NTRK2: variants seen among roughly 807,000 people sequenced by gnomAD.
The protein encoded by NTRK2 is BDNF/NT-3 growth factors receptor.
Under a neutral mutation model 94.5 loss-of-function variants are expected in NTRK2, and 13 were observed. The ratio of observed to expected loss-of-function variants is 0.14; its 90% CI spans 0.09 to 0.22. The LOEUF (loss-of-function observed/expected upper bound fraction) is 0.22. Ranked by LOEUF, NTRK2 falls within the 10% of genes least tolerant of loss-of-function variation. The pLI is 1.00. For missense variants in NTRK2, 639 were observed against 1,071.2 expected, an observed-to-expected ratio of 0.60 and a Z score of 5.63; for synonymous variants, 372 against 407.4, an observed-to-expected ratio of 0.91 and a Z score of 1.05.
At chr9:84,959,204 C>T (rs1824558075) in intron 17 of NTRK2, among the ~76,000 whole-genome samples, 2 of 152,190 alleles carry the variant, frequency 1.3e-5, no homozygotes, top group African/African-American at 4.8e-5. Flanking sequence ...TGAGAAGCTG[C>T]TTTAGCTGAT....
intron 12 of NTRK2, among the ~76,000 whole-genome samples, chr9:84,778,380 A>G (rs2067255834): frequency 6.6e-6 from 1 of 152,248 alleles, no homozygotes. Context: ...AAGGGCCTGT[A>G]GGTGCAGTCT....
intron 10 of NTRK2, among the ~76,000 whole-genome samples, chr9:84,742,436 C>T (rs1379510976): frequency 1.3e-5 from 2 of 152,186 alleles, no homozygotes; most frequent in African/African-American, 4.8e-5. Context: ...CCCACCACGC[C>T]AGCTTCACTG....
intron 12 of NTRK2, among the ~76,000 whole-genome samples, chr9:84,852,670 T>G (rs560550037): frequency 6.6e-6 from 1 of 152,358 alleles, no homozygotes; most frequent in Non-Finnish European, 1.5e-5. Flanking sequence ...CAGTGTTGTA[T>G]GTAGTTTAAT....
At chr9:84,794,914 C>T (rs1283912373) in intron 12 of NTRK2, among the ~76,000 whole-genome samples, 1 of 152,138 alleles carries the variant, frequency 6.6e-6, no homozygotes, top group Non-Finnish European at 1.5e-5. Context: ...GACAGAAGCA[C>T]AATCTCATCA....
intron 17 of NTRK2, among the ~76,000 whole-genome samples, chr9:85,000,623 T>C (rs1377871819): frequency 6.6e-6 from 1 of 152,178 alleles, no homozygotes; most frequent in Non-Finnish European, 1.5e-5. Context: ...CTAAATAATA[T>C]TATATTGTAT....
intron 12 of NTRK2, among the ~76,000 whole-genome samples, chr9:84,781,231 A>G (rs920787507): frequency 6.6e-6 from 1 of 152,156 alleles, no homozygotes; most frequent in African/African-American, 2.4e-5. Flanking sequence ...TGGCATTTTG[A>G]AAAAGGGCAA....
chr9:84,830,062 T>C (rs1044349109), intron 12 of NTRK2, among the ~76,000 whole-genome samples: 4 of 152,210 alleles, frequency 2.6e-5, no homozygotes, highest in Non-Finnish European at 4.4e-5. Context: ...ATGGTGGACA[T>C]CTATCACCTA....
chr9:84,744,556 A>G (rs954808135), intron 10 of NTRK2, among the ~76,000 whole-genome samples: 5 of 151,754 alleles, frequency 3.3e-5, no homozygotes, highest in Non-Finnish European at 5.9e-5. Context: ...ACTTTCCTCC[A>G]CTGATATTCT....
chr9:84,787,298 AAAACAAAC>A (rs543829789), intron 12 of NTRK2, among the ~76,000 whole-genome samples: 1 of 151,800 alleles, frequency 6.6e-6, no homozygotes, highest in Non-Finnish European at 1.5e-5. Context: ...AACTCCGTCT[AAAACAAAC>A]AAACAAACAA....
chr9:84,958,051 G>C (rs1384669801), intron 17 of NTRK2, among the ~76,000 whole-genome samples: 3 of 152,164 alleles, frequency 2.0e-5, no homozygotes, highest in Non-Finnish European at 4.4e-5. Flanking sequence ...CAAATCCATA[G>C]AGACAGGAAG....
intron 14 of NTRK2, chr9:84,872,317 C>T: frequency 9.0e-7 from 1 of 1,106,886 alleles, no homozygotes; most frequent in Non-Finnish European, 1.1e-6. Flanking sequence ...AGAAACAAAA[C>T]ATACTAACCA....
At chr9:85,011,648 C>G (rs763668105) in intron 17 of NTRK2, among the ~76,000 whole-genome samples, 1 of 152,198 alleles carries the variant, frequency 6.6e-6, no homozygotes, top group Admixed American at 6.5e-5. Flanking sequence ...TGGCTGGAAC[C>G]TTGACCTTCA....
At chr9:84,917,849 T>C (rs1453106535) in intron 14 of NTRK2, among the ~76,000 whole-genome samples, 1 of 152,174 alleles carries the variant, frequency 6.6e-6, no homozygotes, top group African/African-American at 2.4e-5. Context: ...CTGTTTGCAT[T>C]GATTGCGTCC....
At chr9:84,720,986 C>T (rs1291433116) in intron 6 of NTRK2, among the ~76,000 whole-genome samples, 1 of 152,146 alleles carries the variant, frequency 6.6e-6, no homozygotes, top group Non-Finnish European at 1.5e-5. Flanking sequence ...AACCTCCAAA[C>T]AATAGTTCTA....
chr9:84,768,292 C>A (rs2066216719), intron 12 of NTRK2, among the ~76,000 whole-genome samples: 1 of 152,186 alleles, frequency 6.6e-6, no homozygotes, highest in South Asian at 2.1e-4. Flanking sequence ...CACTTTAGCA[C>A]TGATTGTAGC....
chr9:84,991,079 G>T (rs943464881), intron 17 of NTRK2, among the ~76,000 whole-genome samples: 3 of 152,150 alleles, frequency 2.0e-5, no homozygotes, highest in African/African-American at 7.2e-5. Flanking sequence ...GGATGGATTC[G>T]TCCCTTCCCT....
At chr9:84,803,429 C>A (rs1016812805) in intron 12 of NTRK2, among the ~76,000 whole-genome samples, 10 of 152,194 alleles carry the variant, frequency 6.6e-5, no homozygotes, top group East Asian at 1.9e-4. Context: ...GCGTCAGAAG[C>A]AGATATGCGG....
intron 14 of NTRK2, among the ~76,000 whole-genome samples, chr9:84,907,268 C>T (rs1201777515): frequency 2.0e-5 from 3 of 152,090 alleles, no homozygotes; most frequent in Non-Finnish European, 4.4e-5. Flanking sequence ...CAAAGAAATA[C>T]GGTGAATCCA....
chr9:84,673,960 C>T (rs1447362593), intron 2 of NTRK2, among the ~76,000 whole-genome samples: 1 of 152,216 alleles, frequency 6.6e-6, no homozygotes, highest in East Asian at 1.9e-4. Context: ...ATGTCACATG[C>T]AATGGAATTC....
Sources: allele counts gnomAD v4.1 joint callset (sites outside exome capture counted in the v4.1 genomes callset), GRCh38; gene constraint gnomAD v4.1.1; transcripts MANE v1.5; gene names NCBI Gene and HGNC (gene_info 2026-07-23, HGNC 2026-07-21).